FCAR: variants seen among roughly 807,000 people sequenced by gnomAD.
FCAR encodes the protein Fc alpha receptor.
In FCAR, 21 loss-of-function variants were observed where a neutral mutation model predicts 27.1. The ratio of observed to expected loss-of-function variants is 0.77; its 90% CI spans 0.55 to 1.11. The LOEUF (loss-of-function observed/expected upper bound fraction) is 1.11, where lower values mean the gene tolerates loss of function less well. FCAR is among the 50% of genes most tolerant of loss of function. The pLI, the probability that FCAR is intolerant of heterozygous loss-of-function variation, is 0.00. For synonymous variants in FCAR, 134 were observed against 135.8 expected (o/e 0.99, Z 0.09); for missense variants, 404 against 358.4 (o/e 1.13, Z -1.03).
Position 54,888,311 on chromosome 19 carries a change from C to A in FCAR, c.649+17C>A. On this transcript the variant is annotated intron_variant, in intron 4 of 4. Transcript: ENST00000355524. ...TGGTCACAGGTAGGTACCGCCCAGT[C>A]CAGCCCTGTGTCTGGGTTGGCTGTC... 6.2e-7 allele frequency: 1 copy of A among 1,612,842 alleles called. No individual in the cohort carries two copies. Among genetic ancestry groups the A allele is most frequent in the South Asian group, 1.1e-5 (1 of 90,790 alleles).
chr19:54,876,812 T>TCGA (rs969225671), intron 2 of FCAR, among the ~76,000 whole-genome samples: 2 of 152,038 alleles, frequency 1.3e-5, no homozygotes, highest in African/African-American at 4.8e-5. Flanking sequence ...TCCCAGCTGC[T>TCGA]CGGGAGGCTC....
rs746116337 is a variant in FCAR, at chr19:54,889,754, A to G, written c.755A>G (p.His252Arg). 6.2e-7 allele frequency: 1 copy of G among 1,614,090 alleles called. No homozygotes were observed. Among genetic ancestry groups the G allele is most frequent in the Non-Finnish European group, 8.5e-7 (1 of 1,180,006 alleles). Residue 252 changes from histidine to arginine, a missense_variant, in exon 5 of 5, where the codon CAT becomes CGT. His to Arg is a conservative substitution (Grantham distance 29). Coordinates refer to ENST00000355524, the MANE Select transcript of FCAR (RefSeq NM_002000.4). The stretch of plus-strand genomic sequence containing the variant: ...ATACTGGTTGAAAATTGGCACAGCC[A>G]TACGGCACTGAACAAGGAAGCCTCG... Reference protein sequence around the residue: ...LAILVENWHSHTALNKEASAD... With the variant: ...LAILVENWHSRTALNKEASAD...
chr19:54,885,134 G>A, intron 2 of FCAR, 101 bp from the exon 3 acceptor site: 1 of 1,039,638 alleles, frequency 9.6e-7, no homozygotes. Context: ...AAGAATGGTA[G>A]GTTCTTCACA....
chr19:54,885,092 T>C (rs1431566627), intron 2 of FCAR, 143 bp from the exon 3 acceptor site: 5 of 692,064 alleles, frequency 7.2e-6, no homozygotes, highest in East Asian at 2.7e-5. Context: ...AGGCGTGAGC[T>C]ACCGCACCCG....
chr19:54,885,167 C>A, intron 2 of FCAR, 68 bp from the exon 3 acceptor site: 1 of 1,360,272 alleles, frequency 7.4e-7, no homozygotes. Flanking sequence ...TTTACTTCTC[C>A]CACAGAGAAG....
intron 2 of FCAR, among the ~76,000 whole-genome samples, chr19:54,883,223 A>C (rs2066520915): frequency 1.4e-5 from 2 of 146,246 alleles, no homozygotes; most frequent in East Asian, 4.0e-4. Flanking sequence ...CACCATGTTT[A>C]CCAGGCTGGT....
intron 3 of FCAR, 89 bp downstream of exon 3, chr19:54,885,614 C>CA (rs895991009): frequency 3.7e-4 from 380 of 1,029,468 alleles, no homozygotes; most frequent in Non-Finnish European, 4.5e-4. Context: ...GATTTACAAA[C>CA]AAAAAAAAAT....
chr19:54,880,069 G>A (rs1601910454), intron 2 of FCAR, among the ~76,000 whole-genome samples: 1 of 134,598 alleles, frequency 7.4e-6, no homozygotes, highest in African/African-American at 2.9e-5. Flanking sequence ...ATTTTGCAGG[G>A]GTTCTCTGTT....
intron 1 of FCAR, among the ~76,000 whole-genome samples, chr19:54,874,945 C>T (rs187403252): frequency 1.3e-5 from 2 of 151,958 alleles, no homozygotes; most frequent in Admixed American, 6.6e-5. Context: ...CCAAGGCAGG[C>T]GGATCACAAG....
At position 54,888,411 on chromosome 19, in the gene FCAR, C is replaced by G. The variant is rs371679382; in HGVS notation, c.649+117C>G. On this transcript the variant is annotated intron_variant, in intron 4 of 4. Transcript: ENST00000355524. The stretch of plus-strand genomic sequence containing the variant: ...GTGAAGAGAGGCAAAGGCTCTCACT[C>G]CAGGACAGTGGAGAGAGAAAGGCTT... 1.8e-5 allele frequency: 27 copies of G among 1,484,066 alleles called. No individual in the cohort carries two copies. The African/African-American group carries it at 2.2e-4, about 12-fold the overall frequency. 91.9% of individuals were successfully genotyped at this position (1,484,066 alleles called of 1,614,324 possible).
Position 54,889,651 on chromosome 19 carries a change from T to C in FCAR, c.652T>C (p.Ser218Pro). The C allele has an allele frequency of 1.2e-6, 2 of 1,612,780 alleles. No individual in the cohort carries two copies. Among genetic ancestry groups the C allele is most frequent in the South Asian group, 1.1e-5 (1 of 91,056 alleles). The change falls in exon 5 of 5, where the codon TCC (serine) becomes CCC (proline). Residue 218 changes from serine (S) to proline (P), a missense_variant and splice_region_variant. Coordinates refer to ENST00000355524, the MANE Select transcript of FCAR (RefSeq NM_002000.4). ...ATCTCCTTGAATTGTGTCTCCAGAC[T>C]CCATCCACCAAGATTACACGACGCA... is the stretch of plus-strand genomic sequence containing the variant. The part of the protein sequence containing the change: ...SNALELVVTD[S>P]IHQDYTTQNL...
rs1206278368 is a variant in FCAR at position 54,875,355 on chromosome 19, G to A, written c.60G>A (p.Gln20=). Residue 20 remains glutamine, a synonymous_variant, in exon 2 of 5, where the codon CAG becomes CAA. Transcript: ENST00000355524. Reference sequence around the variant, plus strand: ...TGCTCTGTCTGGGCCAGAGGATTCAGGCACAGGAAGGTAAGTGTCCTGTAA... The same window carrying A: ...TGCTCTGTCTGGGCCAGAGGATTCAAGCACAGGAAGGTAAGTGTCCTGTAA... ...CLVLCLGQRI[Q]AQEGDFPMPF... 6.2e-7 allele frequency: 1 copy of A among 1,613,696 alleles called. No individual in the cohort carries two copies. The highest frequency in any genetic ancestry group is 1.7e-5 in the Admixed American group (1 of 59,952).
At chr19:54,877,284 A>G (rs1008231534) in intron 2 of FCAR, among the ~76,000 whole-genome samples, 13 of 152,006 alleles carry the variant, frequency 8.6e-5, no homozygotes, top group African/African-American at 3.1e-4. Flanking sequence ...GGAGCTCATT[A>G]TTGGTCTGTT....
Position 54,889,875 on chromosome 19 carries a change from T to A in FCAR, c.*12T>A. 6.3e-7 allele frequency: 1 copy of A among 1,587,698 alleles called. No individual in the cohort carries two copies. On this transcript the variant is annotated 3_prime_UTR_variant, in exon 5 of 5. Coordinates refer to ENST00000355524, the MANE Select transcript of FCAR (RefSeq NM_002000.4). The stretch of plus-strand genomic sequence containing the variant: ...GTGTCTGCAAGTAAACACCTGGAGG[T>A]GAAGGCAGAGAGGAGCCAGGACTGT...
intron 2 of FCAR, among the ~76,000 whole-genome samples, chr19:54,877,577 G>A (rs1313901400): frequency 1.3e-5 from 2 of 151,950 alleles, no homozygotes; most frequent in East Asian, 1.9e-4. Context: ...ATGCTTTTTC[G>A]TGTCTCAATC....
chr19:54,880,768 GT>G (rs1198056889), intron 2 of FCAR: 2 of 152,168 alleles, frequency 1.3e-5, no homozygotes, highest in East Asian at 3.9e-4. Flanking sequence ...TTTCTGGATG[GT>G]TTCAGAGGGC....
intron 2 of FCAR, among the ~76,000 whole-genome samples, chr19:54,876,479 CTTA>C (rs1056342971): frequency 6.6e-6 from 1 of 152,100 alleles, no homozygotes; most frequent in Non-Finnish European, 1.5e-5. Context: ...ATACATCATT[CTTA>C]TTATTTTGAA....
Position 54,890,012 on chromosome 19 carries a change from G to A in FCAR, c.*149G>A, listed in dbSNP as rs1191463695. The A allele has an allele frequency of 6.5e-6, 4 of 619,514 alleles. No individual in the cohort carries two copies. The highest frequency in any genetic ancestry group is 1.1e-5 in the Non-Finnish European group (4 of 352,064). The allele number at this position is 619,514 out of a possible 1,614,324, so 38.4% of individuals were successfully genotyped here. On this transcript the variant is annotated 3_prime_UTR_variant, in exon 5 of 5. Coordinates refer to ENST00000355524, the MANE Select transcript of FCAR (RefSeq NM_002000.4). ...GTCTGGCTCTGTCACCCAGGCTGGA[G>A]TGCAGTGGAGCAATCTCGGCTCATT...
In FCAR at chr19:54,891,154, C is replaced by T. The variant is rs1417228202; in HGVS notation, c.*1291C>T. 2 of 152,136 alleles carry T rather than the reference C, an allele frequency of 1.3e-5. No individual in the cohort carries two copies. Among genetic ancestry groups the T allele is most frequent in the Non-Finnish European group, 2.9e-5 (2 of 68,012 alleles). 9.4% of individuals were successfully genotyped at this position (152,136 alleles called of 1,614,324 possible). On this transcript the variant is annotated 3_prime_UTR_variant, in exon 5 of 5. Transcript: ENST00000355524. ...ATTCCCCATTCTTTTTTCTTATAAA[C>T]TTTCACAGCTTTACCCTTGACAGAC...
Sources: gnomAD v4.1 joint callset for allele counts (sites outside exome capture counted in the v4.1 genomes callset) on GRCh38, gnomAD v4.1.1 for gene constraint, MANE v1.5 for transcripts, NCBI Gene and HGNC (gene_info 2026-07-23, HGNC 2026-07-21) for gene names.